PCDHGB1: variants seen among roughly 807,000 people sequenced by gnomAD.
The protein encoded by PCDHGB1 is protocadherin gamma-B1.
PCDHGB1 carries 34 observed loss-of-function variants against 56.6 expected under a neutral mutation model. The observed-to-expected ratio is 0.60, with a 90% CI of 0.46 to 0.80. PCDHGB1 has a LOEUF of 0.80. Ranked by LOEUF, PCDHGB1 falls within the 30% of genes least tolerant of loss-of-function variation. The pLI is 0.00. For synonymous variants in PCDHGB1, 561 were observed against 505.9 expected (o/e 1.11, Z -1.46); for missense variants, 1,278 against 1,204.6 (o/e 1.06, Z -0.90).
Position 141,374,348 on chromosome 5 carries a change from AG to A in PCDHGB1, c.2409+21681del, listed in dbSNP as rs750321680. The A allele has an allele frequency of 1.9e-6, 3 of 1,613,910 alleles. No individual in the cohort carries two copies. The African/African-American group carries it at 4.0e-5, about 22-fold the overall frequency. On this transcript the variant is annotated intron_variant, in intron 1 of 3. Coordinates refer to ENST00000523390, the MANE Select transcript of PCDHGB1 (RefSeq NM_018922.3). ...AAACGGCAGCTTGGTCACCGCGGGT[AG>A]GATAGACCGCGAGGAGCTCTGTGCT...
At chr5:141,366,602 TCCCTCACCGCGGA>T in intron 1 of PCDHGB1, 1 of 1,614,226 alleles carries the variant, frequency 6.2e-7, no homozygotes, top group Admixed American at 1.7e-5. Flanking sequence ...CCACGAGGTC[TCCCTCACCGCGGA>T]CTCGAGGAAG....
At chr5:141,469,374 A>G (rs1270202528) in intron 1 of PCDHGB1, among the ~76,000 whole-genome samples, 1 of 152,076 alleles carries the variant, frequency 6.6e-6, no homozygotes, top group Non-Finnish European at 1.5e-5. Flanking sequence ...AAAGAGATCG[A>G]GACCATCCTG....
chr5:141,403,553 G>T, intron 1 of PCDHGB1: 6 of 1,613,980 alleles, frequency 3.7e-6, no homozygotes, highest in Non-Finnish European at 5.1e-6. Flanking sequence ...GCGCGCCCTG[G>T]ACAGGGAGGA....
At chr5:141,357,334 C>T (rs373146854) in intron 1 of PCDHGB1, 1 of 1,614,118 alleles carries the variant, frequency 6.2e-7, no homozygotes, top group South Asian at 1.1e-5. Flanking sequence ...CACGGTGCTG[C>T]TAGCACTCAA....
Position 141,393,047 on chromosome 5 carries a change from C to G in PCDHGB1, c.2409+40378C>G, listed in dbSNP as rs778464494. ...GTAGGACGCAGCTCTTTGCTCTGAA[C>G]CCGCGCAGCGGCAGCTTGATCACCG... On this transcript the variant is annotated intron_variant, in intron 1 of 3. Transcript: ENST00000523390. 16 of 1,613,566 alleles carry G rather than the reference C, an allele frequency of 9.9e-6. No homozygotes were observed. The South Asian group carries it at 1.6e-4, about 17-fold the overall frequency.
rs758993148 is a variant in PCDHGB1 at position 141,430,863 on chromosome 5, T to C, written c.2410-63944T>C. On this transcript the variant is annotated intron_variant, in intron 1 of 3. Transcript: ENST00000523390. Reference sequence around the variant, plus strand: ...GGATGCACCCAGATACGCTATTCAGTTCCGGAAGAGCTGGAGAAAGGCTCT... The same window carrying C: ...GGATGCACCCAGATACGCTATTCAGCTCCGGAAGAGCTGGAGAAAGGCTCT... 8 of 1,594,990 alleles carry C rather than the reference T, an allele frequency of 5.0e-6. No individual in the cohort carries two copies. In the South Asian group the frequency reaches 8.0e-5, roughly 16 times the overall value.
intron 1 of PCDHGB1, among the ~76,000 whole-genome samples, chr5:141,480,866 G>A (rs1329444129): frequency 6.6e-6 from 1 of 152,142 alleles, no homozygotes; most frequent in Non-Finnish European, 1.5e-5. Flanking sequence ...CCAATATGGT[G>A]AAACCCCGTC....
rs368785983 is a variant in PCDHGB1 at position 141,393,012 on chromosome 5, G to A, written c.2409+40343G>A. The A allele has an allele frequency of 1.4e-5, 23 of 1,613,724 alleles. No homozygotes were observed. Among genetic ancestry groups the A allele is most frequent in the Non-Finnish European group, 1.9e-5 (23 of 1,179,884 alleles). ...GCTGGCGAAGCACGGAGTCCGTATC[G>A]TCTCCAGAGGTAGGACGCAGCTCTT... On this transcript the variant is annotated intron_variant, in intron 1 of 3. Transcript: ENST00000523390.
At chr5:141,416,998 CAAAT>C (rs2096073182) in intron 1 of PCDHGB1, 1 of 150,816 alleles carries the variant, frequency 6.6e-6, no homozygotes, top group South Asian at 2.1e-4. Flanking sequence ...GCATTCATCT[CAAAT>C]AATTCTATTA....
At chr5:141,356,642 G>A in intron 1 of PCDHGB1, 1 of 1,614,132 alleles carries the variant, frequency 6.2e-7, no homozygotes, top group Non-Finnish European at 8.5e-7. Flanking sequence ...GACCCTGACA[G>A]TGGTGACAAT....
rs534845593 is a variant in PCDHGB1, at chr5:141,478,216, G to A, written c.2410-16591G>A. On this transcript the variant is annotated intron_variant, in intron 1 of 3. Coordinates refer to ENST00000523390, the MANE Select transcript of PCDHGB1 (RefSeq NM_018922.3). ...TTTATCTACTTCTTTCTCTAATCCTGGTTTCTGTGGGGTTTGTGGTCACAG... is the reference window on the plus strand; with the variant it reads ...TTTATCTACTTCTTTCTCTAATCCTAGTTTCTGTGGGGTTTGTGGTCACAG... 414 of 1,614,090 alleles carry A rather than the reference G, an allele frequency of 2.6e-4. 9 individuals carry two copies. In the South Asian group the frequency reaches 4.4e-3, roughly 17 times the overall value.
chr5:141,414,351 G>A (rs771256149), intron 1 of PCDHGB1: 16 of 1,613,676 alleles, frequency 9.9e-6, no homozygotes, highest in South Asian at 6.6e-5. Flanking sequence ...CCATTTTGGC[G>A]TATCTACCAT....
rs61612330 is a variant in PCDHGB1, at chr5:141,454,796, A to ATTTTTTTTTTTTTTTTTT, written c.2410-39999_2410-39982dup. Reference sequence around the variant, plus strand: ...AAGGAAATAATCCTCCATGGTTCTAATTTTTTTTTTTTTTTTTTTTTTTTT... The same window carrying ATTTTTTTTTTTTTTTTTT: ...AAGGAAATAATCCTCCATGGTTCTAATTTTTTTTTTTTTTTTTTTTTTTTTTTTTTTTTTTTTTTTTTT... On this transcript the variant is annotated intron_variant, in intron 1 of 3. Coordinates refer to ENST00000523390, the MANE Select transcript of PCDHGB1 (RefSeq NM_018922.3). 9.0e-4 allele frequency among the ~76,000 whole-genome samples: 70 copies of ATTTTTTTTTTTTTTTTTT among 77,458 alleles called. 9 individuals carry two copies. Among genetic ancestry groups the ATTTTTTTTTTTTTTTTTT allele is most frequent in the Non-Finnish European group, 1.1e-3 (48 of 42,814 alleles). The allele number at this position is 77,458 out of a possible 152,430, so 50.8% of individuals were successfully genotyped here. A position where few individuals can be genotyped will look rare whatever the true frequency, so the allele number is the denominator to read the frequency against.
At chr5:141,402,930 G>A (rs1260331134) in intron 1 of PCDHGB1, 1 of 1,584,094 alleles carries the variant, frequency 6.3e-7, no homozygotes, top group Non-Finnish European at 8.6e-7. Flanking sequence ...ATCCTTTTGA[G>A]AAAATTCCAA....
intron 1 of PCDHGB1, chr5:141,378,905 C>T (rs1043140389): frequency 1.3e-5 from 2 of 152,088 alleles, no homozygotes; most frequent in African/African-American, 4.8e-5. Context: ...ATTCTGTTAT[C>T]GACAGTCTTC....
At chr5:141,469,081 A>C (rs1451214440) in intron 1 of PCDHGB1, among the ~76,000 whole-genome samples, 1 of 151,790 alleles carries the variant, frequency 6.6e-6, no homozygotes, top group Non-Finnish European at 1.5e-5. Context: ...GTTTGAGACC[A>C]TTCTAGGCAA....
chr5:141,410,246 TCTGACCCCCAGG>T (rs2095371499), intron 1 of PCDHGB1: 2 of 1,614,004 alleles, frequency 1.2e-6, no homozygotes, highest in Admixed American at 3.3e-5. Flanking sequence ...CCCTGTACTC[TCTGACCCCCAGG>T]CTGAACTGCA....
Position 141,486,098 on chromosome 5 carries a change from G to A in PCDHGB1, c.2410-8709G>A, listed in dbSNP as rs1211678224. ...AAAGCTTACTCTTTTGGGGCCCCTA[G>A]ACTTTGAGAGTGAGAATTACTATGA... On this transcript the variant is annotated intron_variant, in intron 1 of 3. Transcript: ENST00000523390. This position sits in a 1 kb window ranked among gnomAD's most constrained non-coding sequence, Gnocchi z 5.0. 5.0e-6 allele frequency: 8 copies of A among 1,614,032 alleles called. No homozygotes were observed. Among genetic ancestry groups the A allele is most frequent in the Admixed American group, 3.3e-5 (2 of 59,994 alleles).
intron 1 of PCDHGB1, among the ~76,000 whole-genome samples, chr5:141,469,600 T>C (rs1276702104): frequency 6.6e-6 from 1 of 151,974 alleles, no homozygotes; most frequent in Non-Finnish European, 1.5e-5. Flanking sequence ...TAAAACAAAA[T>C]AAGTAAAATA....
Sources: allele counts gnomAD v4.1 joint callset (sites outside exome capture counted in the v4.1 genomes callset), GRCh38; gene constraint gnomAD v4.1.1; non-coding constraint Gnocchi (gnomAD v3.1); transcripts MANE v1.5; gene names NCBI Gene and HGNC (gene_info 2026-07-23, HGNC 2026-07-21).